ZNF469: variants seen among roughly 807,000 people sequenced by gnomAD.
The protein encoded by ZNF469 is zinc finger protein 469.
A neutral mutation model predicts 1.0 loss-of-function variants in ZNF469; 1 was observed. That is an observed-to-expected ratio of 1.00 (90% CI 0.35 to 4.73). ZNF469 has a LOEUF of 4.73. Ranked by LOEUF, ZNF469 falls within the 30% of genes most tolerant of loss-of-function variation. ZNF469 has a pLI of 0.16. For synonymous variants in ZNF469, 2,703 were observed against 2,363.4 expected, an observed-to-expected ratio of 1.14 and a Z score of -4.17; for missense variants, 6,100 against 5,356.3, an observed-to-expected ratio of 1.14 and a Z score of -4.33.
chr16:88,348,451 G>A, the ZNF469 span, among the ~76,000 whole-genome samples: 1 of 152,170 alleles, frequency 6.6e-6, no homozygotes, highest in African/African-American at 2.4e-5. Flanking sequence ...ACACCAACAG[G>A]TCCCCAGGGT....
chr16:88,401,624 T>G (rs1904865643), intron 1 of ZNF469, among the ~76,000 whole-genome samples: 1 of 149,656 alleles, frequency 6.7e-6, no homozygotes, highest in Admixed American at 6.6e-5. Context: ...AGTGGATGGA[T>G]GGATGGATGG....
chr16:88,253,515 A>G, the ZNF469 span, among the ~76,000 whole-genome samples: 2 of 150,824 alleles, frequency 1.3e-5, no homozygotes, highest in South Asian at 4.3e-4. Flanking sequence ...GTTGTGTTCA[A>G]ATCTTTTGTC....
chr16:88,380,253 TCA>T (rs1236873560), upstream of ZNF469, among the ~76,000 whole-genome samples: 4 of 85,802 alleles, frequency 4.7e-5, no homozygotes, highest in Non-Finnish European at 9.9e-5. Flanking sequence ...ACAAATGCAC[TCA>T]CACACGTGCA....
At chr16:88,119,524 T>C in the ZNF469 span, among the ~76,000 whole-genome samples, 1 of 152,258 alleles carries the variant, frequency 6.6e-6, no homozygotes, top group Non-Finnish European at 1.5e-5. Context: ...TACCAAAGTT[T>C]TCGTCAGAAT....
chr16:88,147,704 G>A, the ZNF469 span, among the ~76,000 whole-genome samples: 1 of 152,016 alleles, frequency 6.6e-6, no homozygotes, highest in African/African-American at 2.4e-5. Context: ...CTCAACCCTG[G>A]GGCATTCCAA....
At chr16:88,193,108 G>GTGGTGGTGA in the ZNF469 span, among the ~76,000 whole-genome samples, 327 of 14,850 alleles carry the variant, frequency 0.022, 98 homozygotes, top group African/African-American at 0.035. Flanking sequence ...GTTGATGGTG[G>GTGGTGGTGA]TGGTGGTGAT....
chr16:88,263,246 T>G, the ZNF469 span, among the ~76,000 whole-genome samples: 1 of 152,124 alleles, frequency 6.6e-6, no homozygotes, highest in Non-Finnish European at 1.5e-5. Flanking sequence ...CCCACCCAGT[T>G]GTTGGGCCTC....
the ZNF469 span, among the ~76,000 whole-genome samples, chr16:88,303,453 GC>G: frequency 1.6e-4 from 24 of 152,120 alleles, no homozygotes; most frequent in African/African-American, 5.6e-4. Context: ...GAGCCCCTCA[GC>G]CCCTCCAAGG....
At chr16:88,368,387 G>A in the ZNF469 span, among the ~76,000 whole-genome samples, 1 of 152,212 alleles carries the variant, frequency 6.6e-6, no homozygotes, top group Non-Finnish European at 1.5e-5. Flanking sequence ...TCCTTGCAGG[G>A]GCTCTGCGAG....
intron 1 of ZNF469, among the ~76,000 whole-genome samples, chr16:88,396,570 T>A (rs1370174628): frequency 9.0e-3 from 209 of 23,234 alleles, no homozygotes; most frequent in South Asian, 0.015. Flanking sequence ...GGAGGCCAGA[T>A]GGAGACCCTC....
At chr16:88,201,268 G>T in the ZNF469 span, among the ~76,000 whole-genome samples, 1 of 152,152 alleles carries the variant, frequency 6.6e-6, no homozygotes, top group African/African-American at 2.4e-5. The surrounding 1 kb of genome is among the most constrained non-coding windows in gnomAD (Gnocchi z 5.0). Flanking sequence ...ACAAATGAAG[G>T]GTTGGCCGGG....
rs1448424061 is a variant in ZNF469, at chr16:88,424,673, G to GTGGCT, written c.-191-132_-191-128dup. ...CTCACCCATCTCCCGGTGGCTCTTGGTGGCTTCCCGGTGCCCTGAGGCCAC... is the reference window on the plus strand; with the variant it reads ...CTCACCCATCTCCCGGTGGCTCTTGGTGGCTTGGCTTCCCGGTGCCCTGAGGCCAC... On this transcript the variant is annotated intron_variant, in intron 1 of 2. Transcript: ENST00000565624. The surrounding 1 kb of genome is among the most constrained non-coding windows in gnomAD (Gnocchi z 4.3). Among the ~76,000 whole-genome samples the GTGGCT allele has an allele frequency of 6.6e-6, 1 of 152,092 alleles. No homozygotes were observed. The highest frequency in any genetic ancestry group is 1.9e-4 in the East Asian group (1 of 5,184).
At chr16:88,163,389 G>A in the ZNF469 span, among the ~76,000 whole-genome samples, 1 of 150,636 alleles carries the variant, frequency 6.6e-6, no homozygotes. Flanking sequence ...ATGTATGAGT[G>A]GCATAAGTGG....
chr16:88,161,174 C>T, the ZNF469 span, among the ~76,000 whole-genome samples: 6 of 134,500 alleles, frequency 4.5e-5, no homozygotes, highest in Admixed American at 7.4e-5. Context: ...AAAAAAAAAA[C>T]GGGCTTTATT....
the ZNF469 span, among the ~76,000 whole-genome samples, chr16:88,367,886 G>C: frequency 6.6e-6 from 1 of 152,212 alleles, no homozygotes; most frequent in African/African-American, 2.4e-5. Context: ...CCCCCACACT[G>C]CTGAACCAGT....
the ZNF469 span, among the ~76,000 whole-genome samples, chr16:88,301,884 G>C: frequency 2.0e-4 from 30 of 152,304 alleles, no homozygotes; most frequent in South Asian, 3.5e-3. Flanking sequence ...GTAACTATCA[G>C]GGTGACAGTC....
At chr16:88,354,002 G>C in the ZNF469 span, among the ~76,000 whole-genome samples, 1 of 152,204 alleles carries the variant, frequency 6.6e-6, no homozygotes, top group Non-Finnish European at 1.5e-5. Flanking sequence ...ATATCTACCT[G>C]CTCGTGGCTG....
chr16:88,241,934 C>G, the ZNF469 span, among the ~76,000 whole-genome samples: 4 of 152,166 alleles, frequency 2.6e-5, no homozygotes, highest in African/African-American at 9.7e-5. The surrounding 1 kb of genome is among the most constrained non-coding windows in gnomAD (Gnocchi z 4.8). Flanking sequence ...ATGGGGGCAC[C>G]CTGCAGCTGG....
At chr16:88,387,429 C>A (rs1904367750) in intron 1 of ZNF469, among the ~76,000 whole-genome samples, 1 of 152,180 alleles carries the variant, frequency 6.6e-6, no homozygotes, top group Admixed American at 6.5e-5. Context: ...TCAGCACAGC[C>A]TCCAGATGTT....
Sources: allele counts gnomAD v4.1 joint callset (sites outside exome capture counted in the v4.1 genomes callset), GRCh38; gene constraint gnomAD v4.1.1; non-coding constraint Gnocchi (gnomAD v3.1); transcripts MANE v1.5; gene names NCBI Gene and HGNC (gene_info 2026-07-23, HGNC 2026-07-21).